CCDC39: variants seen among roughly 807,000 people sequenced by gnomAD.
The protein encoded by CCDC39 is coiled-coil domain 39 molecular ruler complex subunit, also known as coiled-coil domain-containing protein 39.
A neutral mutation model predicts 121.0 loss-of-function variants in CCDC39; 113 were observed. The observed-to-expected ratio is 0.93, with a 90% confidence interval of 0.80 to 1.09. The LOEUF (loss-of-function observed/expected upper bound fraction) is 1.09, where lower values mean the gene tolerates loss of function less well. CCDC39 is among the 50% of genes least tolerant of loss of function. CCDC39 has a pLI of 0.00. For synonymous variants in CCDC39, 349 were observed against 352.2 expected, an observed-to-expected ratio of 0.99 and a Z score of 0.10; for missense variants, 1,063 against 1,074.7, an observed-to-expected ratio of 0.99 and a Z score of 0.15.
chr3:180,641,206 A>T (rs532042395), intron 13 of CCDC39, among the ~76,000 whole-genome samples: 11 of 152,112 alleles, frequency 7.2e-5, no homozygotes, highest in Non-Finnish European at 1.3e-4. Flanking sequence ...CATATAATAA[A>T]AGTCAACATC....
intron 4 of CCDC39, 48 bp from the exon 5 acceptor site, chr3:180,659,817 T>A: frequency 8.1e-7 from 1 of 1,238,482 alleles, no homozygotes; most frequent in Non-Finnish European, 1.1e-6. Flanking sequence ...TTCTATTAAT[T>A]TAAATGTTAT....
intron 1 of CCDC39, among the ~76,000 whole-genome samples, chr3:180,670,535 T>A (rs1312452595): frequency 6.6e-6 from 1 of 152,116 alleles, no homozygotes. Flanking sequence ...TCCACACTTT[T>A]ACTAGTGGAA....
At chr3:180,665,665 T>A (rs1711856112) in intron 1 of CCDC39, among the ~76,000 whole-genome samples, 1 of 151,946 alleles carries the variant, frequency 6.6e-6, no homozygotes, top group African/African-American at 2.4e-5. Context: ...CTATATGTTT[T>A]CTTTAAATAA....
intron 13 of CCDC39, among the ~76,000 whole-genome samples, chr3:180,632,070 A>T (rs1369767772): frequency 6.6e-6 from 1 of 152,214 alleles, no homozygotes; most frequent in Non-Finnish European, 1.5e-5. Flanking sequence ...GATTTGCATC[A>T]CAGCTGAGGA....
Position 180,648,289 on chromosome 3 carries a change from G to T in CCDC39, c.1238C>A (p.Thr413Lys). The change falls in exon 10 of 20, where the codon ACA (threonine) becomes AAA (lysine). Residue 413 changes from threonine (T) to lysine (K), a missense_variant. By Grantham distance (78) the Thr-to-Lys change is moderately conservative. Transcript: ENST00000476379. ...FKKAQELQTE[T>K]MKEKAVLSEI... ...TGATAAAACAGCTTTTTCTTTCATT[G>T]TCTCAGTCTGTAACTCCTGAGCTTT... 1 of 1,612,552 alleles carries T rather than the reference G, an allele frequency of 6.2e-7. No individual in the cohort carries two copies. The highest frequency in any genetic ancestry group is 8.5e-7 in the Non-Finnish European group (1 of 1,179,218).
chr3:180,618,072 A>G (rs1239354017), intron 16 of CCDC39, among the ~76,000 whole-genome samples: 1 of 152,142 alleles, frequency 6.6e-6, no homozygotes. Context: ...ACAGTTGCCT[A>G]TAGTACTCAG....
chr3:180,622,670 T>C (rs1351703244), intron 14 of CCDC39, among the ~76,000 whole-genome samples: 1 of 152,076 alleles, frequency 6.6e-6, no homozygotes, highest in Non-Finnish European at 1.5e-5. Flanking sequence ...TTGAGATGAT[T>C]ATATGATTTT....
intron 15 of CCDC39, among the ~76,000 whole-genome samples, chr3:180,619,603 A>G (rs762202081): frequency 6.6e-6 from 1 of 151,656 alleles, no homozygotes; most frequent in African/African-American, 2.4e-5. Flanking sequence ...GTGATATGCC[A>G]TACAGATCCT....
chr3:180,641,927 GCAGC>G, intron 13 of CCDC39, 62 bp downstream of exon 13: 1 of 1,130,024 alleles, frequency 8.8e-7, no homozygotes, highest in East Asian at 2.4e-5. Context: ...GTTAGAGGGG[GCAGC>G]TAGTTCTCCT....
intron 1 of CCDC39, among the ~76,000 whole-genome samples, chr3:180,669,414 T>A (rs1167806579): frequency 2.6e-5 from 4 of 152,168 alleles, no homozygotes; most frequent in African/African-American, 9.7e-5. Flanking sequence ...TACAGAATAA[T>A]TTAAGAACTG....
chr3:180,654,183 T>G (rs1711527290), intron 7 of CCDC39, among the ~76,000 whole-genome samples: 1 of 132,188 alleles, frequency 7.6e-6, no homozygotes, highest in Admixed American at 8.5e-5. Flanking sequence ...GGATAGTCTC[T>G]TCAATCAATG....
At chr3:180,642,336 G>A in intron 12 of CCDC39, 135 bp from the exon 13 acceptor site, 3 of 452,118 alleles carry the variant, frequency 6.6e-6, no homozygotes, top group Non-Finnish European at 1.2e-5. Context: ...TATTAGCTAG[G>A]CCTAAAATTG....
rs1046323942 is a variant in CCDC39 at position 180,674,907 on chromosome 3, C to T, written c.90+4384G>A. 7.9e-5 allele frequency among the ~76,000 whole-genome samples: 12 copies of T among 152,238 alleles called. No individual in the cohort carries two copies. In the South Asian group the frequency reaches 2.3e-3, roughly 29 times the overall value. ...AGTATTTTATGGAGGATTTTTGCATCGATGTTCATCAGGGATATTGGACTA... is the reference window on the plus strand; with the variant it reads ...AGTATTTTATGGAGGATTTTTGCATTGATGTTCATCAGGGATATTGGACTA... On this transcript the variant is annotated intron_variant, in intron 1 of 19. Coordinates refer to ENST00000476379, the MANE Select transcript of CCDC39 (RefSeq NM_181426.2).
Position 180,616,955 on chromosome 3 carries a change from AT to A in CCDC39, c.2276del (p.Asn759IlefsTer3). 1.4e-6 allele frequency: 2 copies of A among 1,408,708 alleles called. No individual in the cohort carries two copies. The highest frequency in any genetic ancestry group is 2.0e-6 in the Non-Finnish European group (2 of 1,025,386). 87.3% of individuals were successfully genotyped at this position (1,408,708 alleles called of 1,614,324 possible). ...CCAAATGTTCTATAACATCTAATGT[AT>A]TTTCCATGCTCTGTAGAAAAAATAT... ...ELQEDIQSME[N>X]TLDVIEHLAN... On this transcript the variant is annotated frameshift_variant, in exon 17 of 20. Transcript: ENST00000476379. LOFTEE classifies it high-confidence loss of function.
chr3:180,676,025 T>A (rs999434521), intron 1 of CCDC39, among the ~76,000 whole-genome samples: 13 of 152,198 alleles, frequency 8.5e-5, no homozygotes, highest in African/African-American at 3.1e-4. Context: ...ATGTTAGACC[T>A]AAAACCATAA....
chr3:180,668,827 TA>T (rs1304567351), intron 1 of CCDC39, among the ~76,000 whole-genome samples: 1 of 152,172 alleles, frequency 6.6e-6, no homozygotes, highest in Non-Finnish European at 1.5e-5. Context: ...TAGCACTCAA[TA>T]AAAATCCACA....
intron 9 of CCDC39, among the ~76,000 whole-genome samples, chr3:180,649,220 G>C (rs1054981208): frequency 6.6e-6 from 1 of 152,042 alleles, no homozygotes; most frequent in Non-Finnish European, 1.5e-5. Context: ...CCTCCACCAC[G>C]TGCAGCTCTA....
intron 16 of CCDC39, 22 bp from the exon 17 acceptor site, chr3:180,616,988 G>T (rs766044731): frequency 2.1e-5 from 25 of 1,163,372 alleles, no homozygotes; most frequent in East Asian, 1.1e-4. Context: ...ATATTAACAT[G>T]TATTTTTTAG....
intron 13 of CCDC39, among the ~76,000 whole-genome samples, chr3:180,640,145 G>T (rs1404816449): frequency 6.6e-6 from 1 of 152,062 alleles, no homozygotes; most frequent in Non-Finnish European, 1.5e-5. Context: ...TGATGGTGGT[G>T]ATGGTCTCTC....
Sources: allele counts gnomAD v4.1 joint callset (sites outside exome capture counted in the v4.1 genomes callset), GRCh38; gene constraint gnomAD v4.1.1; transcripts MANE v1.5; gene names NCBI Gene and HGNC (gene_info 2026-07-23, HGNC 2026-07-21).